Variants in STRN observed in about 807,000 individuals in gnomAD.
The protein encoded by STRN is striatin, also known as protein phosphatase 2 regulatory subunit B'''alpha.
STRN carries 53 observed loss-of-function variants against 96.3 expected under a neutral mutation model. That is an observed-to-expected ratio of 0.55 (90% CI 0.44 to 0.69). The LOEUF is 0.69. Among genes scored for constraint, STRN ranks in the 30% least tolerant of loss-of-function variants. STRN has a pLI of 0.00. For missense variants in STRN, 987 were observed against 963.9 expected (o/e 1.02, Z -0.32); for synonymous variants, 428 against 355.9 (o/e 1.20, Z -2.28).
At chr2:36,936,571 C>T (rs1670706846) in intron 1 of STRN, among the ~76,000 whole-genome samples, 3 of 152,104 alleles carry the variant, frequency 2.0e-5, no homozygotes, top group Admixed American at 1.3e-4. Context: ...TTGAACAGGA[C>T]TTAACAGAAA....
intron 13 of STRN, among the ~76,000 whole-genome samples, chr2:36,859,651 A>C (rs181448342): frequency 6.6e-6 from 1 of 152,356 alleles, no homozygotes; most frequent in East Asian, 1.9e-4. Flanking sequence ...ATGTTTGTAC[A>C]CTGCAAAAAG....
At chr2:36,965,498 A>G (rs1665136348) in intron 1 of STRN, among the ~76,000 whole-genome samples, 1 of 152,206 alleles carries the variant, frequency 6.6e-6, no homozygotes, top group South Asian at 2.1e-4. Flanking sequence ...AAATCTCCCA[A>G]AACACTGAAC....
At chr2:36,945,808 G>A (rs988070165) in intron 1 of STRN, among the ~76,000 whole-genome samples, 1 of 152,042 alleles carries the variant, frequency 6.6e-6, no homozygotes, top group Non-Finnish European at 1.5e-5. Flanking sequence ...TATCTTAGAC[G>A]CAAAAAATCA....
intron 4 of STRN, among the ~76,000 whole-genome samples, chr2:36,903,580 C>T (rs748037017): frequency 7.9e-5 from 12 of 152,110 alleles, no homozygotes; most frequent in Non-Finnish European, 1.3e-4. Context: ...AAACATCGGA[C>T]ATTAACTTAT....
At chr2:36,917,481 G>A (rs1670134769) in intron 2 of STRN, among the ~76,000 whole-genome samples, 1 of 146,958 alleles carries the variant, frequency 6.8e-6, no homozygotes. Flanking sequence ...CCAAGATCAT[G>A]CCACTGCACT....
In STRN at chr2:36,899,570, C is replaced by A. The variant is rs1392776031; in HGVS notation, c.748G>T (p.Asp250Tyr). 1 of 1,613,652 alleles carries A rather than the reference C, an allele frequency of 6.2e-7. No homozygotes were observed. Among genetic ancestry groups the A allele is most frequent in the Non-Finnish European group, 8.5e-7 (1 of 1,179,880 alleles). The change falls in exon 6 of 18, where the codon GAT (aspartate) becomes TAT (tyrosine). Residue 250 changes from aspartate (D) to tyrosine (Y), a missense_variant. Asp to Tyr is a radical substitution (Grantham distance 160). Coordinates refer to ENST00000263918, the MANE Select transcript of STRN (RefSeq NM_003162.4). ...AAADFSDEDEDDDVDGREKSV... is the reference protein window; with the variant it reads ...AAADFSDEDEYDDVDGREKSV... ...TTCTCTCTTCCATCAACATCATCATCTTCATCTTCATCACTGAAATCTGCA... is the reference window on the plus strand; with the variant it reads ...TTCTCTCTTCCATCAACATCATCATATTCATCTTCATCACTGAAATCTGCA...
chr2:36,924,619 G>T (rs531172179), intron 2 of STRN, among the ~76,000 whole-genome samples: 15 of 152,006 alleles, frequency 9.9e-5, no homozygotes, highest in Non-Finnish European at 1.8e-4. Context: ...TCAGTTTTTT[G>T]ATCATTATTA....
intron 10 of STRN, among the ~76,000 whole-genome samples, chr2:36,876,353 G>A (rs1007983570): frequency 3.9e-5 from 6 of 152,126 alleles, no homozygotes; most frequent in African/African-American, 1.4e-4. Flanking sequence ...TAGATTAGAT[G>A]GTTATTGTAG....
chr2:36,920,105 T>G (rs1670211999), intron 2 of STRN, among the ~76,000 whole-genome samples: 1 of 152,120 alleles, frequency 6.6e-6, no homozygotes, highest in African/African-American at 2.4e-5. Context: ...GTATCTGGAA[T>G]TGCATTAAAA....
At chr2:36,946,244 T>G (rs2148260886) in intron 1 of STRN, among the ~76,000 whole-genome samples, 1 of 151,346 alleles carries the variant, frequency 6.6e-6, no homozygotes, top group South Asian at 2.1e-4. Context: ...AGTTGATTTT[T>G]TTCTACCTAA....
intron 11 of STRN, 44 bp downstream of exon 11, chr2:36,869,510 G>A: frequency 7.2e-7 from 1 of 1,390,686 alleles, no homozygotes; most frequent in African/African-American, 1.5e-5. Context: ...TGCTGAAAAT[G>A]TTACTTAAAA....
At position 36,869,029 on chromosome 2, in the gene STRN, T is replaced by G. The variant is rs115602878; in HGVS notation, c.1499+525A>C. ...GGAACTAAAGGGCCAAGGTGAGCAC[T>G]AGCAGTCATGTTAGCCTCTGAGTCT... On this transcript the variant is annotated intron_variant, in intron 11 of 17. Coordinates refer to ENST00000263918, the MANE Select transcript of STRN (RefSeq NM_003162.4). Among the ~76,000 whole-genome samples the G allele has an allele frequency of 7.5e-3, 1,147 of 152,306 alleles. 16 individuals are homozygous for G. Among genetic ancestry groups the G allele is most frequent in the African/African-American group, 0.026 (1,097 of 41,558 alleles).
chr2:36,939,636 G>GCCTCT (rs1372163815), intron 1 of STRN, among the ~76,000 whole-genome samples: 1 of 151,974 alleles, frequency 6.6e-6, no homozygotes, highest in Non-Finnish European at 1.5e-5. Context: ...TCCCACCTCA[G>GCCTCT]CCTCCCAAAG....
At chr2:36,927,692 A>G (rs975507222) in intron 1 of STRN, among the ~76,000 whole-genome samples, 2 of 152,138 alleles carry the variant, frequency 1.3e-5, no homozygotes, top group African/African-American at 4.8e-5. Context: ...AATAAAGTAC[A>G]ATCAGATTTC....
At position 36,840,192 on chromosome 2, in the gene STRN, C is replaced by T. The variant is rs1667918211; in HGVS notation, c.*9264G>A. The T allele has an allele frequency of 6.6e-6, 1 of 152,052 alleles. No homozygotes were observed. Among genetic ancestry groups the T allele is most frequent in the South Asian group, 2.1e-4 (1 of 4,808 alleles). 9.4% of individuals were successfully genotyped at this position (152,052 alleles called of 1,614,324 possible). On this transcript the variant is annotated 3_prime_UTR_variant, in exon 18 of 18. Transcript: ENST00000263918. ...GAAAGAGTGTGGAAGTGGACCTGTTCTGAGCCCAGGATAATCAAGGCAGGC... is the reference window on the plus strand; with the variant it reads ...GAAAGAGTGTGGAAGTGGACCTGTTTTGAGCCCAGGATAATCAAGGCAGGC...
At chr2:36,920,470 C>T (rs1462205527) in intron 2 of STRN, among the ~76,000 whole-genome samples, 2 of 151,966 alleles carry the variant, frequency 1.3e-5, no homozygotes, top group Non-Finnish European at 2.9e-5. Flanking sequence ...GAAACCCCGT[C>T]TCTAACAAAA....
intron 1 of STRN, among the ~76,000 whole-genome samples, chr2:36,937,407 G>A (rs1670731662): frequency 6.6e-6 from 1 of 151,664 alleles, no homozygotes; most frequent in African/African-American, 2.4e-5. Context: ...AATGGCTCAA[G>A]CCTGTAATCT....
At position 36,873,514 on chromosome 2, in the gene STRN, T is replaced by A. The variant is rs533284012; in HGVS notation, c.1324-3785A>T. Among the ~76,000 whole-genome samples, 4 of 152,224 alleles carry A rather than the reference T, an allele frequency of 2.6e-5. No individual in the cohort carries two copies. The East Asian group carries it at 5.8e-4, about 22-fold the overall frequency. On this transcript the variant is annotated intron_variant, in intron 10 of 17. Transcript: ENST00000263918. The stretch of plus-strand genomic sequence containing the variant: ...GGCAGAAGTTGCAGTGAGTCAAGAT[T>A]ATGCCATTGCACACCAGCCTGGGTA...
intron 6 of STRN, among the ~76,000 whole-genome samples, chr2:36,898,531 G>A (rs1433195932): frequency 6.6e-6 from 1 of 152,166 alleles, no homozygotes; most frequent in Non-Finnish European, 1.5e-5. Flanking sequence ...AACACACAGA[G>A]GTTACACTTA....
Sources: allele counts gnomAD v4.1 joint callset (sites outside exome capture counted in the v4.1 genomes callset), GRCh38; gene constraint gnomAD v4.1.1; transcripts MANE v1.5; gene names NCBI Gene and HGNC (gene_info 2026-07-23, HGNC 2026-07-21).